The following NUP50 variants were observed in gnomAD, a reference collection of about 807,000 sequenced individuals.
The protein encoded by NUP50 is nuclear pore complex protein Nup50.
A neutral mutation model predicts 36.8 loss-of-function variants in NUP50; 14 were observed. The observed-to-expected ratio is 0.38, with a 90% CI of 0.25 to 0.59. The LOEUF is 0.59. Among genes scored for constraint, NUP50 ranks in the 20% least tolerant of loss-of-function variants. The pLI is 0.63. For missense variants in NUP50, 455 were observed against 564.6 expected (o/e 0.81, Z 1.97); for synonymous variants, 195 against 210.8 (o/e 0.93, Z 0.65).
rs770834250 is a variant in NUP50 at position 45,171,611 on chromosome 22, C to T, written c.81C>T (p.Phe27=). 1.8e-5 allele frequency: 29 copies of T among 1,613,966 alleles called. No individual in the cohort carries two copies. The Middle Eastern group carries it at 2.1e-3, about 119-fold the overall frequency. The change falls in exon 3 of 8, where the codon TTC becomes TTT. Residue 27 remains phenylalanine, a synonymous_variant. Coordinates refer to ENST00000347635, the MANE Select transcript of NUP50 (RefSeq NM_007172.4). ...QEDEAEEVGT[F]SMASEEVLKN... is the part of the protein sequence containing the mutation. ...GTATTGTATTGCAGGTGGGAACATT[C>T]TCCATGGCCAGTGAGGAAGTCTTGA...
intron 4 of NUP50, among the ~76,000 whole-genome samples, chr22:45,177,509 T>C (rs1376536854): frequency 1.3e-5 from 2 of 152,030 alleles, no homozygotes; most frequent in African/African-American, 4.8e-5. Context: ...GTGTAGAACC[T>C]GCAGGTACAG....
At chr22:45,179,661 G>T (rs537169311) in intron 5 of NUP50, among the ~76,000 whole-genome samples, 1 of 152,198 alleles carries the variant, frequency 6.6e-6, no homozygotes, top group Non-Finnish European at 1.5e-5. Context: ...AAAGTGGAAG[G>T]CTCACCTGAG....
chr22:45,173,630 T>A (rs1042952886), intron 3 of NUP50, among the ~76,000 whole-genome samples: 13 of 152,026 alleles, frequency 8.6e-5, no homozygotes, highest in Admixed American at 8.5e-4. Flanking sequence ...ATTGAGGCCA[T>A]GGGAATGGGC....
At chr22:45,177,597 A>G (rs1444218969) in intron 4 of NUP50, 1 of 152,828 alleles carries the variant, frequency 6.5e-6, no homozygotes, top group African/African-American at 2.4e-5. Context: ...CTGTTCTAAC[A>G]GTGCTGTTTG....
At chr22:45,171,238 C>T (rs2074188953) in intron 2 of NUP50, 1 of 1,079,220 alleles carries the variant, frequency 9.3e-7, no homozygotes, top group South Asian at 2.0e-5. Flanking sequence ...GCTCTGTTGC[C>T]CAGGCTGGAG....
chr22:45,184,253 G>A lies in NUP50; in HGVS notation c.1205-200G>A, dbSNP rs1022824063. On this transcript the variant is annotated intron_variant, in intron 7 of 7. Transcript: ENST00000347635. The stretch of plus-strand genomic sequence containing the variant: ...ACCCGGGCTGGAGGGAGGACGGAAG[G>A]CCACTCCTCACAGTGAGGGCAAGTG... 1.9e-5 allele frequency: 11 copies of A among 592,732 alleles called. No homozygotes were observed. The East Asian group carries it at 2.9e-4, about 16-fold the overall frequency. The allele number at this position is 592,732 out of a possible 1,614,324, so 36.7% of individuals were successfully genotyped here. A position where few individuals can be genotyped will look rare whatever the true frequency, so the allele number is the denominator to read the frequency against.
At chr22:45,179,610 T>G (rs2074334174) in intron 5 of NUP50, among the ~76,000 whole-genome samples, 1 of 152,130 alleles carries the variant, frequency 6.6e-6, no homozygotes, top group African/African-American at 2.4e-5. Context: ...TGAGGCCAGG[T>G]GAGGTGGCCC....
chr22:45,176,733 T>TACA (rs2074282314), intron 4 of NUP50, among the ~76,000 whole-genome samples: 2 of 152,160 alleles, frequency 1.3e-5, no homozygotes, highest in African/African-American at 2.4e-5. Context: ...TGTTCTCTGT[T>TACA]AAGTTTTGTT....
chr22:45,170,158 C>T (rs2074164496), intron 2 of NUP50, among the ~76,000 whole-genome samples: 1 of 152,102 alleles, frequency 6.6e-6, no homozygotes, highest in Non-Finnish European at 1.5e-5. Flanking sequence ...CTGGACGACT[C>T]ATCCTCCTCA....
At chr22:45,168,654 A>G (rs573069240) in intron 2 of NUP50, among the ~76,000 whole-genome samples, 87 of 152,292 alleles carry the variant, frequency 5.7e-4, no homozygotes, top group African/African-American at 2.1e-3. Flanking sequence ...AAAGTGGTAC[A>G]CCATCACCAT....
Position 45,171,316 on chromosome 22 carries a change from C to T in NUP50, c.70-284C>T, listed in dbSNP as rs2074190322. The T allele has an allele frequency of 7.0e-6, 4 of 571,694 alleles. No homozygotes were observed. In the South Asian group the frequency reaches 9.7e-5, roughly 14 times the overall value. The allele number at this position is 571,694 out of a possible 1,614,324, so 35.4% of individuals were successfully genotyped here. A position where few individuals can be genotyped will look rare whatever the true frequency, so the allele number is the denominator to read the frequency against. On this transcript the variant is annotated intron_variant, in intron 2 of 7. Coordinates refer to ENST00000347635, the MANE Select transcript of NUP50 (RefSeq NM_007172.4). ...GAGGGTTCAAGTGATTCTCCTGCCT[C>T]AGCCTCCCAGGTGGCTGGGATTACA...
At chr22:45,182,401 C>T (rs1408540030) in intron 6 of NUP50, among the ~76,000 whole-genome samples, 3 of 152,072 alleles carry the variant, frequency 2.0e-5, no homozygotes. Context: ...AAGATCATGC[C>T]ACTGCACTCC....
chr22:45,168,367 G>A (rs376854756), intron 2 of NUP50, 121 bp downstream of exon 2: 2 of 672,270 alleles, frequency 3.0e-6, no homozygotes, highest in African/African-American at 3.7e-5. Flanking sequence ...TCATGAATGG[G>A]AGATGACAAG....
chr22:45,173,182 C>T (rs867663327), intron 3 of NUP50, among the ~76,000 whole-genome samples: 28 of 152,184 alleles, frequency 1.8e-4, no homozygotes, highest in African/African-American at 5.1e-4. Context: ...GAGATTAGGT[C>T]TTGTGTTTTG....
At chr22:45,179,071 T>C (rs911910328) in intron 5 of NUP50, 171 bp downstream of exon 5, 1 of 591,732 alleles carries the variant, frequency 1.7e-6, no homozygotes, top group Non-Finnish European at 2.8e-6. Flanking sequence ...GATTCCTGCT[T>C]TATAAAAGAG....
intron 7 of NUP50, 71 bp downstream of exon 7, chr22:45,183,591 C>G: frequency 2.1e-6 from 2 of 958,540 alleles, no homozygotes; most frequent in Non-Finnish European, 3.4e-6. Flanking sequence ...CCTGCTGACT[C>G]AAGGTTATTA....
At chr22:45,182,592 G>A (rs926682996) in intron 6 of NUP50, among the ~76,000 whole-genome samples, 1 of 147,298 alleles carries the variant, frequency 6.8e-6, no homozygotes, top group Non-Finnish European at 1.5e-5. Flanking sequence ...AAAATGTTGT[G>A]CAATCAAAAA....
chr22:45,180,461 C>T (rs918734321), intron 5 of NUP50: 9 of 152,182 alleles, frequency 5.9e-5, no homozygotes, highest in South Asian at 2.1e-4. Flanking sequence ...ACAGCCTCTA[C>T]CTCCTGGGGT....
At position 45,171,692 on chromosome 22, in the gene NUP50, C is replaced by T. The variant is rs758575214; in HGVS notation, c.153+9C>T. ...GAAATGTTGGATTTGAAGTGAGTGC[C>T]CCCTTACAGCTCTTGCTATTAAATA... On this transcript the variant is annotated intron_variant, in intron 3 of 7. Coordinates refer to ENST00000347635, the MANE Select transcript of NUP50 (RefSeq NM_007172.4). 6.2e-7 allele frequency: 1 copy of T among 1,610,438 alleles called. No individual in the cohort carries two copies. The highest frequency in any genetic ancestry group is 8.5e-7 in the Non-Finnish European group (1 of 1,176,716).
Sources: gnomAD v4.1 joint callset for allele counts (sites outside exome capture counted in the v4.1 genomes callset) on GRCh38, gnomAD v4.1.1 for gene constraint, MANE v1.5 for transcripts, NCBI Gene and HGNC (gene_info 2026-07-23, HGNC 2026-07-21) for gene names.